Variants in MEFV observed in about 807,000 individuals in gnomAD.
The protein encoded by MEFV is MEFV innate immunity regulator, pyrin.
In MEFV, 60 loss-of-function variants were observed where a neutral mutation model predicts 62.5. The ratio of observed to expected loss-of-function variants is 0.96; its 90% CI spans 0.78 to 1.19. The LOEUF (loss-of-function observed/expected upper bound fraction) is 1.19, where lower values mean the gene tolerates loss of function less well. Among genes scored for constraint, MEFV ranks in the 50% most tolerant of loss-of-function variants. The pLI, the probability that MEFV is intolerant of heterozygous loss-of-function variation, is 0.00. For synonymous variants in MEFV, 500 were observed against 415.2 expected (o/e 1.20, Z -2.48); for missense variants, 1,169 against 1,004.5 (o/e 1.16, Z -2.21).
chr16:3,246,596 G>A (rs1958946698), intron 5 of MEFV, 49 bp from the exon 6 acceptor site: 1 of 1,609,490 alleles, frequency 6.2e-7, no homozygotes. Flanking sequence ...CCTAGTGGCT[G>A]GGCTGACTCC....
In MEFV at chr16:3,247,266, G is replaced by A; in HGVS notation, c.1357-20C>T. 6.2e-7 allele frequency: 1 copy of A among 1,610,788 alleles called. No homozygotes were observed. The highest frequency in any genetic ancestry group is 8.5e-7 in the Non-Finnish European group (1 of 1,177,614). On this transcript the variant is annotated intron_variant, in intron 4 of 9. Transcript: ENST00000219596. ...TTGTTTCTGGGGAGCAGAGGACAGGGAGGTATGGGGGTCTGTGCTGTGGGT... is the reference window on the plus strand; with the variant it reads ...TTGTTTCTGGGGAGCAGAGGACAGGAAGGTATGGGGGTCTGTGCTGTGGGT...
intron 2 of MEFV, among the ~76,000 whole-genome samples, chr16:3,253,632 G>C (rs759825463): frequency 3.9e-5 from 6 of 152,130 alleles, no homozygotes; most frequent in Non-Finnish European, 7.4e-5. Context: ...TCCTGCCTCA[G>C]CTTCCTGAGT....
rs375555497 is a variant in MEFV at position 3,247,009 on chromosome 16, C to A, written c.1587+7G>T. ...GACCCAAGAAAGCCGGGCCCAGGCA[C>A]ACCCACCTGCAGAAGTTCCCATTCT... On this transcript the variant is annotated splice_region_variant and intron_variant, in intron 5 of 9. Transcript: ENST00000219596. The A allele has an allele frequency of 6.2e-7, 1 of 1,613,842 alleles. No homozygotes were observed. Among genetic ancestry groups the A allele is most frequent in the African/African-American group, 1.3e-5 (1 of 74,916 alleles).
intron 2 of MEFV, among the ~76,000 whole-genome samples, chr16:3,253,743 A>G (rs1036453387): frequency 6.6e-6 from 1 of 152,020 alleles, no homozygotes; most frequent in African/African-American, 2.4e-5. Flanking sequence ...GTGCAGTGGC[A>G]TGATCTCAGC....
Position 3,243,442 on chromosome 16 carries a change from A to G in MEFV, c.2045T>C (p.Leu682Pro), listed in dbSNP as rs1958890293. The change falls in exon 10 of 10, where the codon CTG becomes CCG. Residue 682 changes from leucine to proline, a missense_variant. Leu to Pro is a moderately conservative substitution (Grantham distance 98, BLOSUM62 -3). Coordinates refer to ENST00000219596, the MANE Select transcript of MEFV (RefSeq NM_000243.3). ...CACCCAGTAGCCATTCTCTGGCGAC[A>G]GAGTCATGTTCCCTTTCCTGCTTAT... ...TSISRKGNMT[L>P]SPENGYWVVI... is the part of the protein sequence containing the mutation. 1 of 1,614,102 alleles carries G rather than the reference A, an allele frequency of 6.2e-7. No individual in the cohort carries two copies. The highest frequency in any genetic ancestry group is 8.5e-7 in the Non-Finnish European group (1 of 1,179,966).
chr16:3,250,598 A>T (rs1959016879), intron 2 of MEFV, among the ~76,000 whole-genome samples: 1 of 151,774 alleles, frequency 6.6e-6, no homozygotes, highest in African/African-American at 2.4e-5. Context: ...ATCTTAAAAG[A>T]AAAAGCAAAG....
chr16:3,252,297 G>C lies in MEFV; in HGVS notation c.910+1861C>G, dbSNP rs200004900. Among the ~76,000 whole-genome samples, 19 of 142,572 alleles carry C rather than the reference G, an allele frequency of 1.3e-4. No individual in the cohort carries two copies. The East Asian group carries it at 3.5e-3, about 26-fold the overall frequency. The allele number at this position is 142,572 out of a possible 152,430, so 93.5% of individuals were successfully genotyped here. ...CTTTTTTTTTTTTTTTTTTGAGACA[G>C]AGTTTTGCTCTTGTCGCCCAGGCTA... On this transcript the variant is annotated intron_variant, in intron 2 of 9. Transcript: ENST00000219596.
chr16:3,247,312 C>T, intron 4 of MEFV, 66 bp from the exon 5 acceptor site: 1 of 1,431,016 alleles, frequency 7.0e-7, no homozygotes, highest in Non-Finnish European at 9.8e-7. Context: ...GTCCAGGAAC[C>T]CCCAGAAGCC....
chr16:3,244,673 C>A, intron 6 of MEFV, 85 bp from the exon 7 acceptor site: 1 of 1,000,240 alleles, frequency 1.0e-6, no homozygotes, highest in East Asian at 2.4e-5. Flanking sequence ...ACTACATTCT[C>A]CACAGGGCAC....
Position 3,248,664 on chromosome 16 carries a change from C to T in MEFV, c.1356+245G>A, listed in dbSNP as rs904999502. On this transcript the variant is annotated intron_variant, in intron 4 of 9. Transcript: ENST00000219596. ...GCAGTAGTCACCGGCATAGGTTGCT[C>T]TCTACCATCTTCTGGTGAGTATGAG... 5 of 1,263,920 alleles carry T rather than the reference C, an allele frequency of 4.0e-6. No homozygotes were observed. In the Admixed American group the frequency reaches 9.2e-5, roughly 23 times the overall value. The allele number at this position is 1,263,920 out of a possible 1,614,324, so 78.3% of individuals were successfully genotyped here.
At position 3,256,009 on chromosome 16, in the gene MEFV, C is replaced by T. The variant is rs182474133; in HGVS notation, c.277+302G>A. On this transcript the variant is annotated intron_variant, in intron 1 of 9. Transcript: ENST00000219596. ...TGCTAACCTAGAGATGTTTGTCTGACATGAGTATTAATCATAAATGTAGTG... is the reference window on the plus strand; with the variant it reads ...TGCTAACCTAGAGATGTTTGTCTGATATGAGTATTAATCATAAATGTAGTG... 3.2e-4 allele frequency among the ~76,000 whole-genome samples: 48 copies of T among 152,238 alleles called. 2 individuals are homozygous for T. The highest frequency in any genetic ancestry group is 1.2e-3 in the Admixed American group (18 of 15,298).
Position 3,249,484 on chromosome 16 carries a change from C to A in MEFV, c.1207G>T (p.Glu403Ter). 1 of 1,614,168 alleles carries A rather than the reference C, an allele frequency of 6.2e-7. No homozygotes were observed. The highest frequency in any genetic ancestry group is 8.5e-7 in the Non-Finnish European group (1 of 1,180,038). The change falls in exon 3 of 10, where the codon GAG becomes TAG. Residue 403 changes from glutamate to a stop codon, truncating the protein, a stop_gained. Transcript: ENST00000219596. LOFTEE classifies it high-confidence loss of function. ...GGGCGCACCCGGTGGCCTTGGTGCT[C>A]CTGACTCAGACTGCAGATGAGGCAG... ...PICLICSLSQ[E>*]HQGHRVRPIE...
rs756975501 is a variant in MEFV, at chr16:3,254,608, A to G, written c.460T>C (p.Ser154Pro). 99 of 1,601,668 alleles carry G rather than the reference A, an allele frequency of 6.2e-5. No homozygotes were observed. The highest frequency in any genetic ancestry group is 1.7e-4 in the Middle Eastern group (1 of 6,004). The stretch of plus-strand genomic sequence containing the variant: ...CTGCGTTTGCTCAGGGGCTTCCTCG[A>G]CAGCCCCCTCCCGGCCTCGGGCTGG... ...CSQPEAGRGL[S>P]RKPLSKRREK... is the part of the protein sequence containing the mutation. Residue 154 changes from serine to proline, a missense_variant, in exon 2 of 10, where the codon TCG becomes CCG. Ser to Pro is a moderately conservative substitution (Grantham distance 74). Transcript: ENST00000219596.
intron 8 of MEFV, 179 bp from the exon 9 acceptor site, chr16:3,244,071 A>C: frequency 6.4e-7 from 1 of 1,551,622 alleles, no homozygotes; most frequent in Non-Finnish European, 8.7e-7. Context: ...CTGTGGTCTA[A>C]TGAGTCAACT....
In MEFV at chr16:3,242,208, C is replaced by CA. The variant is rs1216511263; in HGVS notation, c.*932dup. 1.2e-5 allele frequency: 3 copies of CA among 252,786 alleles called. No individual in the cohort carries two copies. The highest frequency in any genetic ancestry group is 4.9e-5 in the Admixed American group (1 of 20,448). 15.7% of individuals were successfully genotyped at this position (252,786 alleles called of 1,614,324 possible). A position where few individuals can be genotyped will look rare whatever the true frequency, so the allele number is the denominator to read the frequency against. On this transcript the variant is annotated 3_prime_UTR_variant, in exon 10 of 10. Coordinates refer to ENST00000219596, the MANE Select transcript of MEFV (RefSeq NM_000243.3). ...TGAAACCTCATGTCTACTAAAAATG[C>CA]AAAAAATTAGCCGGGCATGGTGGCG...
At chr16:3,253,134 C>T (rs1200085089) in intron 2 of MEFV, among the ~76,000 whole-genome samples, 1 of 151,934 alleles carries the variant, frequency 6.6e-6, no homozygotes, top group Non-Finnish European at 1.5e-5. Context: ...GGCCTGGAGC[C>T]TCCTGATCCC....
At position 3,254,179 on chromosome 16, in the gene MEFV, T is replaced by A; in HGVS notation, c.889A>T (p.Asn297Tyr). ...ASADLKEGPG[N>Y]PEHSVTGRPP... ...TTACCGGTGACCGAATGTTCTGGAT[T>A]TCCAGGGCCTTCCTTCAGGTCCGCA... Residue 297 changes from asparagine (N) to tyrosine (Y), a missense_variant, in exon 2 of 10, where the codon AAT becomes TAT. Coordinates refer to ENST00000219596, the MANE Select transcript of MEFV (RefSeq NM_000243.3). The A allele has an allele frequency of 6.2e-7, 1 of 1,614,224 alleles. No homozygotes were observed. The highest frequency in any genetic ancestry group is 8.5e-7 in the Non-Finnish European group (1 of 1,180,034).
chr16:3,242,797 G>T lies in MEFV; in HGVS notation c.*344C>A, dbSNP rs1404279377. On this transcript the variant is annotated 3_prime_UTR_variant, in exon 10 of 10. Transcript: ENST00000219596. The stretch of plus-strand genomic sequence containing the variant: ...AAGACAGAAGCAGAGAGAACAAGGG[G>T]ACATATATCCTTGCCGTGGGGTTCT... 1 of 387,958 alleles carries T rather than the reference G, an allele frequency of 2.6e-6. No homozygotes were observed. The highest frequency in any genetic ancestry group is 2.2e-5 in the South Asian group (1 of 44,634). The allele number at this position is 387,958 out of a possible 1,614,324, so 24.0% of individuals were successfully genotyped here.
At chr16:3,253,510 T>A (rs61279979) in intron 2 of MEFV, among the ~76,000 whole-genome samples, 1 of 152,098 alleles carries the variant, frequency 6.6e-6, no homozygotes, top group African/African-American at 2.4e-5. Context: ...TCTTTCTTTT[T>A]TTTTCCCCCC....
Sources: gnomAD v4.1 joint callset for allele counts (sites outside exome capture counted in the v4.1 genomes callset) on GRCh38, gnomAD v4.1.1 for gene constraint, MANE v1.5 for transcripts, NCBI Gene and HGNC (gene_info 2026-07-23, HGNC 2026-07-21) for gene names.